The following MRPS9 variants were observed in gnomAD, a reference collection of about 807,000 sequenced individuals.
MRPS9 encodes the protein small ribosomal subunit protein uS9m.
In MRPS9, 45 loss-of-function variants were observed where a neutral mutation model predicts 59.9. That is an observed-to-expected ratio of 0.75 (90% confidence interval 0.59 to 0.96). The LOEUF (loss-of-function observed/expected upper bound fraction) is 0.96, where lower values mean the gene tolerates loss of function less well. Ranked by LOEUF, MRPS9 falls within the 40% of genes least tolerant of loss-of-function variation. MRPS9 has a pLI of 0.00. For synonymous variants in MRPS9, 171 were observed against 166.8 expected (o/e 1.03, Z -0.19); for missense variants, 473 against 481.1 (o/e 0.98, Z 0.16).
intron 2 of MRPS9, among the ~76,000 whole-genome samples, 163 bp downstream of exon 2, chr2:105,049,513 A>G (rs966220014): frequency 6.6e-6 from 1 of 152,204 alleles, no homozygotes; most frequent in Non-Finnish European, 1.5e-5. Context: ...TTCAAAGACA[A>G]ATGTGCAGGA....
chr2:105,057,851 A>G (rs1679823459), intron 2 of MRPS9, among the ~76,000 whole-genome samples: 1 of 152,218 alleles, frequency 6.6e-6, no homozygotes, highest in Non-Finnish European at 1.5e-5. Flanking sequence ...ATTGAATATT[A>G]TGAATACAGA....
At position 105,089,612 on chromosome 2, in the gene MRPS9, ATCT is replaced by A. The variant is rs1485566447; in HGVS notation, c.576-303_576-301del. ...GACAGGTTAACGTTGTATCTATAAC[ATCT>A]TCTTTGAAGTAAGTTATACAGGCAC... On this transcript the variant is annotated intron_variant, in intron 6 of 10. Coordinates refer to ENST00000258455, the MANE Select transcript of MRPS9 (RefSeq NM_182640.3). Among the ~76,000 whole-genome samples, 4 of 152,372 alleles carry A rather than the reference ATCT, an allele frequency of 2.6e-5. No homozygotes were observed. The East Asian group carries it at 7.7e-4, about 29-fold the overall frequency.
chr2:105,097,454 T>G, intron 10 of MRPS9, 130 bp downstream of exon 10: 2 of 842,418 alleles, frequency 2.4e-6, no homozygotes, highest in Non-Finnish European at 3.3e-6. Flanking sequence ...TTCGCTGTCT[T>G]CTTTCTTGCT....
chr2:105,076,752 A>G (rs1246289648), intron 4 of MRPS9, among the ~76,000 whole-genome samples: 1 of 152,240 alleles, frequency 6.6e-6, no homozygotes, highest in Non-Finnish European at 1.5e-5. Flanking sequence ...AAAGATGACA[A>G]ATTACTTATG....
Position 105,060,436 on chromosome 2 carries a change from G to A in MRPS9, c.316-10877G>A, listed in dbSNP as rs146156188. Among the ~76,000 whole-genome samples, 134 of 152,130 alleles carry A rather than the reference G, an allele frequency of 8.8e-4. No individual in the cohort carries two copies. In the Middle Eastern group the frequency reaches 0.017, roughly 19 times the overall value. ...ATCTGAGATTACACGTGGCGCCACC[G>A]CGCCTGACTAATTTTTATGTCTTTA... On this transcript the variant is annotated intron_variant, in intron 2 of 10. Coordinates refer to ENST00000258455, the MANE Select transcript of MRPS9 (RefSeq NM_182640.3).
At chr2:105,076,762 G>A (rs1293971859) in intron 4 of MRPS9, among the ~76,000 whole-genome samples, 3 of 152,186 alleles carry the variant, frequency 2.0e-5, no homozygotes, top group Non-Finnish European at 4.4e-5. Context: ...AATTACTTAT[G>A]TTGAAGTTAA....
intron 1 of MRPS9, among the ~76,000 whole-genome samples, chr2:105,041,415 C>G (rs528980311): frequency 1.4e-4 from 21 of 152,188 alleles, no homozygotes; most frequent in African/African-American, 4.3e-4. Flanking sequence ...AGCCAAGATG[C>G]CTTTGTTGAT....
intron 2 of MRPS9, among the ~76,000 whole-genome samples, chr2:105,061,827 A>G (rs1053204419): frequency 3.9e-5 from 6 of 152,160 alleles, no homozygotes; most frequent in African/African-American, 1.4e-4. Flanking sequence ...AGAACGTAAG[A>G]TGGAGGTCTG....
At chr2:105,055,713 T>C (rs1679780237) in intron 2 of MRPS9, among the ~76,000 whole-genome samples, 1 of 152,216 alleles carries the variant, frequency 6.6e-6, no homozygotes, top group African/African-American at 2.4e-5. Flanking sequence ...AATTATATAC[T>C]CATATGGTTT....
chr2:105,093,951 G>T (rs1436878690), intron 9 of MRPS9, among the ~76,000 whole-genome samples: 1 of 152,124 alleles, frequency 6.6e-6, no homozygotes, highest in African/African-American at 2.4e-5. Context: ...AAAAAATTTT[G>T]ATTTAGATTT....
chr2:105,070,225 C>T (rs1461808752), intron 2 of MRPS9, among the ~76,000 whole-genome samples: 1 of 152,144 alleles, frequency 6.6e-6, no homozygotes, highest in African/African-American at 2.4e-5. Flanking sequence ...CCACATCAGC[C>T]TCCCACAGTA....
intron 2 of MRPS9, among the ~76,000 whole-genome samples, chr2:105,064,031 A>G (rs1010227316): frequency 6.6e-6 from 1 of 152,262 alleles, no homozygotes; most frequent in Non-Finnish European, 1.5e-5. Flanking sequence ...CTGTTTGGAT[A>G]CATAAAGGGA....
chr2:105,055,809 G>T (rs1679782433), intron 2 of MRPS9, among the ~76,000 whole-genome samples: 1 of 152,192 alleles, frequency 6.6e-6, no homozygotes, highest in South Asian at 2.1e-4. Context: ...TATGGCTGAT[G>T]AGTCAGCATT....
intron 2 of MRPS9, among the ~76,000 whole-genome samples, chr2:105,051,384 C>T (rs1679708418): frequency 1.3e-5 from 2 of 152,220 alleles, no homozygotes; most frequent in Admixed American, 1.3e-4. Flanking sequence ...TTATTTTATT[C>T]CATTGATCTA....
intron 5 of MRPS9, among the ~76,000 whole-genome samples, chr2:105,086,900 G>A (rs6749140): frequency 0.22 from 32,889 of 152,014 alleles, 3,635 homozygotes; most frequent in Middle Eastern, 0.35. Flanking sequence ...TGTCCATTTC[G>A]TATAAGTGGG....
chr2:105,065,619 G>A (rs1299648559), intron 2 of MRPS9, among the ~76,000 whole-genome samples: 2 of 152,184 alleles, frequency 1.3e-5, no homozygotes, highest in Admixed American at 6.5e-5. Flanking sequence ...ATAAGACACA[G>A]TGAGGATTAT....
intron 1 of MRPS9, among the ~76,000 whole-genome samples, chr2:105,044,684 A>T (rs1051685432): frequency 6.6e-6 from 1 of 152,220 alleles, no homozygotes; most frequent in Non-Finnish European, 1.5e-5. Flanking sequence ...AACTCTGGAG[A>T]CTATAGGCAG....
At chr2:105,089,733 A>G (rs1680520659) in intron 6 of MRPS9, among the ~76,000 whole-genome samples, 187 bp from the exon 7 acceptor site, 1 of 152,222 alleles carries the variant, frequency 6.6e-6, no homozygotes, top group Non-Finnish European at 1.5e-5. Flanking sequence ...TAGAGTAGAT[A>G]CCTTTTCTAG....
At chr2:105,066,492 A>G (rs911921495) in intron 2 of MRPS9, among the ~76,000 whole-genome samples, 16 of 152,168 alleles carry the variant, frequency 1.1e-4, no homozygotes, top group African/African-American at 1.9e-4. Context: ...TAGCTTCCTC[A>G]TGACTTTTCT....
Sources: allele counts gnomAD v4.1 joint callset (sites outside exome capture counted in the v4.1 genomes callset), GRCh38; gene constraint gnomAD v4.1.1; transcripts MANE v1.5; gene names NCBI Gene and HGNC (gene_info 2026-07-23, HGNC 2026-07-21).